Variants in AACS observed in about 807,000 individuals in gnomAD.
AACS encodes acetoacetate-CoA ligase.
A neutral mutation model predicts 83.1 loss-of-function variants in AACS; 69 were observed. The ratio of observed to expected loss-of-function variants is 0.83; its 90% CI spans 0.68 to 1.01. The LOEUF (loss-of-function observed/expected upper bound fraction) is 1.01. Among genes scored for constraint, AACS ranks in the 50% least tolerant of loss-of-function variants. AACS has a pLI of 0.00. For synonymous variants in AACS, 333 were observed against 343.4 expected (o/e 0.97, Z 0.33); for missense variants, 866 against 882.2 (o/e 0.98, Z 0.23).
intron 5 of AACS, chr12:125,102,392 G>A (rs1259921213): frequency 3.1e-6 from 1 of 323,390 alleles, no homozygotes; most frequent in Non-Finnish European, 6.0e-6. Context: ...GGGACACAGG[G>A]ACCTGGTCAT....
At chr12:125,100,393 A>G (rs1174361389) in intron 5 of AACS, among the ~76,000 whole-genome samples, 1 of 152,212 alleles carries the variant, frequency 6.6e-6, no homozygotes, top group African/African-American at 2.4e-5. Context: ...TAGTTTACTG[A>G]AAACATTGGA....
At position 125,115,055 on chromosome 12, in the gene AACS, C is replaced by G. The variant is rs922730598; in HGVS notation, c.996+498C>G. ...AGTTGGGCCCGCTCCTCCGCCCACC[C>G]TGCCTCAGCAGCGTGGAATCCACGC... is the stretch of plus-strand genomic sequence containing the variant. On this transcript the variant is annotated intron_variant, in intron 9 of 17. Transcript: ENST00000316519. 1.3e-4 allele frequency among the ~76,000 whole-genome samples: 20 copies of G among 152,350 alleles called. No individual in the cohort carries two copies. In the East Asian group the frequency reaches 3.1e-3, roughly 24 times the overall value.
At chr12:125,114,183 C>A (rs947630048) in intron 8 of AACS, among the ~76,000 whole-genome samples, 2 of 150,520 alleles carry the variant, frequency 1.3e-5, no homozygotes, top group Admixed American at 1.3e-4. Context: ...TGGTGGGCCT[C>A]CGTGGTGCCC....
At chr12:125,089,427 C>T (rs1956412768) in intron 4 of AACS, among the ~76,000 whole-genome samples, 1 of 152,128 alleles carries the variant, frequency 6.6e-6, no homozygotes, top group South Asian at 2.1e-4. Flanking sequence ...CCCTTCGTCT[C>T]GTGACTGCCT....
chr12:125,065,704 C>T lies in AACS; in HGVS notation c.120C>T (p.Cys40=). The T allele has an allele frequency of 6.5e-7, 1 of 1,537,332 alleles. No individual in the cohort carries two copies. Residue 40 remains cysteine (C), a synonymous_variant, in exon 1 of 18, where the codon TGC becomes TGT. Coordinates refer to ENST00000316519, the MANE Select transcript of AACS (RefSeq NM_023928.5). Reference sequence around the variant, plus strand: ...TCCGGGCGGCTGTGGGCGCCGCCTGCGGCCTGGCGCTGGGTGAGAGTCGGG... The same window carrying T: ...TCCGGGCGGCTGTGGGCGCCGCCTGTGGCCTGGCGCTGGGTGAGAGTCGGG... ...DRFRAAVGAA[C]GLALESYDDL... is the part of the protein sequence containing the mutation.
At chr12:125,124,520 T>G (rs746031672) in intron 10 of AACS, 185 bp from the exon 11 acceptor site, 75 of 633,232 alleles carry the variant, frequency 1.2e-4, no homozygotes, top group Non-Finnish European at 1.8e-4. Context: ...AGCAGTCAGG[T>G]GCACCTGTGA....
At position 125,130,156 on chromosome 12, in the gene AACS, AAAAGGTAATCTG is replaced by A. The variant is rs1184730982; in HGVS notation, c.1549+697_1549+708del. Among the ~76,000 whole-genome samples the A allele has an allele frequency of 1.3e-5, 2 of 152,262 alleles. No individual in the cohort carries two copies. The highest frequency in any genetic ancestry group is 2.9e-5 in the Non-Finnish European group (2 of 68,040). ...CAGTACTTGCTTTCTGCAGTCTCTCAAAAGGTAATCTGGTTTAGCACAGACCACGTATGGAGA... is the reference window on the plus strand; with the variant it reads ...CAGTACTTGCTTTCTGCAGTCTCTCAGTTTAGCACAGACCACGTATGGAGA... On this transcript the variant is annotated intron_variant, in intron 14 of 17. Transcript: ENST00000316519. The surrounding 1 kb of genome is among the most constrained non-coding windows in gnomAD (Gnocchi z 4.9).
chr12:125,102,689 A>C lies in AACS; in HGVS notation c.581A>C (p.Asp194Ala), dbSNP rs1178545359. ...SPDFGVNGVL[D>A]RFSQIQPKLI... ...TCCTCCTGCTTTCAGGGTGTGCTGG[A>C]CCGGTTTTCTCAAATTCAGCCAAAG... The change falls in exon 6 of 18, where the codon GAC (aspartate) becomes GCC (alanine). Residue 194 changes from aspartate (D) to alanine (A), a missense_variant. Transcript: ENST00000316519. 6.2e-7 allele frequency: 1 copy of C among 1,613,494 alleles called. No homozygotes were observed. Among genetic ancestry groups the C allele is most frequent in the South Asian group, 1.1e-5 (1 of 91,010 alleles).
In AACS at chr12:125,070,168, C is replaced by T. The variant is rs146995636; in HGVS notation, c.134-3708C>T. ...CTGAGTGAAGGTGCTGTATAAACTG[C>T]GTGCATTTTACAAGCGGTTGCGGTT... On this transcript the variant is annotated intron_variant, in intron 1 of 17. Transcript: ENST00000316519. Among the ~76,000 whole-genome samples, 7 of 152,280 alleles carry T rather than the reference C, an allele frequency of 4.6e-5. No individual in the cohort carries two copies. In the East Asian group the frequency reaches 5.8e-4, roughly 13 times the overall value.
chr12:125,100,506 G>C (rs1337209814), intron 5 of AACS, among the ~76,000 whole-genome samples: 1 of 152,228 alleles, frequency 6.6e-6, no homozygotes, highest in African/African-American at 2.4e-5. Flanking sequence ...CTGGCACGGT[G>C]CCTGGCACCT....
intron 8 of AACS, among the ~76,000 whole-genome samples, chr12:125,112,276 T>C (rs1191540850): frequency 6.6e-6 from 1 of 152,146 alleles, no homozygotes; most frequent in Non-Finnish European, 1.5e-5. Context: ...TGACCCTGAC[T>C]GGGGATTCTT....
intron 5 of AACS, chr12:125,092,375 G>A (rs906717060): frequency 2.0e-5 from 3 of 152,514 alleles, no homozygotes; most frequent in Admixed American, 1.3e-4. Flanking sequence ...AGTGCCCGGA[G>A]TTGGTGTCTG....
At chr12:125,106,405 C>T (rs940661339) in intron 7 of AACS, among the ~76,000 whole-genome samples, 2 of 152,214 alleles carry the variant, frequency 1.3e-5, no homozygotes, top group Admixed American at 6.5e-5. Context: ...TAAGCCTAGG[C>T]ACACTTCCTG....
chr12:125,090,225 ATT>A, intron 4 of AACS, among the ~76,000 whole-genome samples: 1 of 6,386 alleles, frequency 1.6e-4, no homozygotes, highest in Non-Finnish European at 3.6e-4. Context: ...CTATCCATCC[ATT>A]TATTATGCTT....
At chr12:125,116,695 G>C (rs1380312277) in intron 9 of AACS, among the ~76,000 whole-genome samples, 1 of 151,996 alleles carries the variant, frequency 6.6e-6, no homozygotes, top group Non-Finnish European at 1.5e-5. Flanking sequence ...TCAATGTCCT[G>C]ACCTCATGAT....
At chr12:125,107,292 C>T (rs774181764) in intron 8 of AACS, 24 bp downstream of exon 8, 1 of 1,610,272 alleles carries the variant, frequency 6.2e-7, no homozygotes, top group South Asian at 1.1e-5. Context: ...GAAGGCTCTG[C>T]AGGGCCTCCT....
intron 17 of AACS, chr12:125,141,024 A>G (rs10846834): frequency 0.47 from 70,785 of 152,200 alleles, 16,913 homozygotes; most frequent in East Asian, 0.64. Flanking sequence ...CTGTGTGTGC[A>G]CTGATTCATT....
intron 5 of AACS, among the ~76,000 whole-genome samples, chr12:125,093,500 A>C (rs550217087): frequency 1.3e-5 from 2 of 152,212 alleles, no homozygotes; most frequent in African/African-American, 4.8e-5. Flanking sequence ...GGAGGGATGC[A>C]TGGCTCTGTA....
chr12:125,089,093 A>C (rs577652118), intron 4 of AACS, among the ~76,000 whole-genome samples: 9 of 152,156 alleles, frequency 5.9e-5, no homozygotes, highest in Non-Finnish European at 1.2e-4. Context: ...ATGGTTAAGC[A>C]GCCTCCCCTG....
Sources: gnomAD v4.1 joint callset for allele counts (sites outside exome capture counted in the v4.1 genomes callset) on GRCh38, gnomAD v4.1.1 for gene constraint, Gnocchi (gnomAD v3.1) non-coding constraint, MANE v1.5 for transcripts, NCBI Gene and HGNC (gene_info 2026-07-23, HGNC 2026-07-21) for gene names.